The following ICA1 variants were observed in gnomAD, a reference collection of about 807,000 sequenced individuals.
ICA1 encodes the protein islet cell autoantigen 1.
In ICA1, 40 loss-of-function variants were observed where a neutral mutation model predicts 71.0. The ratio of observed to expected loss-of-function variants is 0.56; its 90% CI spans 0.44 to 0.73. The LOEUF (loss-of-function observed/expected upper bound fraction) is 0.73, where lower values mean the gene tolerates loss of function less well. ICA1 is among the 30% of genes least tolerant of loss of function. The probability of loss-of-function intolerance (pLI) is 0.00; values close to 1 mark genes in which losing one functional copy is unlikely to be tolerated. For synonymous variants in ICA1, 207 were observed against 209.5 expected, an observed-to-expected ratio of 0.99 and a Z score of 0.10; for missense variants, 578 against 576.5, an observed-to-expected ratio of 1.00 and a Z score of -0.03.
chr7:8,151,668 C>A (rs939814038), intron 8 of ICA1, among the ~76,000 whole-genome samples: 1 of 152,212 alleles, frequency 6.6e-6, no homozygotes, highest in Admixed American at 6.5e-5. Flanking sequence ...AAGCAAGTAA[C>A]TACAGAGCCA....
At chr7:8,152,179 AG>A (rs1799035185) in intron 8 of ICA1, among the ~76,000 whole-genome samples, 1 of 152,060 alleles carries the variant, frequency 6.6e-6, no homozygotes, top group Non-Finnish European at 1.5e-5. Context: ...AAAGCCAGGC[AG>A]GGGGTGGGTT....
intron 1 of ICA1, among the ~76,000 whole-genome samples, chr7:8,256,179 G>A (rs1327358871): frequency 6.6e-6 from 1 of 152,170 alleles, no homozygotes; most frequent in Non-Finnish European, 1.5e-5. Context: ...GGCCTTAAGA[G>A]GCAATGCTAT....
intron 6 of ICA1, among the ~76,000 whole-genome samples, chr7:8,161,024 C>T (rs1803576925): frequency 6.6e-6 from 1 of 152,330 alleles, no homozygotes; most frequent in East Asian, 1.9e-4. Context: ...AGCTGGGGTC[C>T]TGAAAGGCAT....
At chr7:8,261,986 A>C (rs1812669349) in intron 1 of ICA1, 108 bp downstream of exon 1, 1 of 152,098 alleles carries the variant, frequency 6.6e-6, no homozygotes, top group Admixed American at 6.5e-5. Flanking sequence ...GAGGGCAGAG[A>C]AGGCAGCTCC....
chr7:8,257,689 T>C (rs996173770), intron 1 of ICA1, among the ~76,000 whole-genome samples: 3 of 152,176 alleles, frequency 2.0e-5, no homozygotes, highest in Non-Finnish European at 4.4e-5. Flanking sequence ...TCTGCAATGT[T>C]CTCTGATTCT....
intron 13 of ICA1, among the ~76,000 whole-genome samples, chr7:8,120,627 T>C (rs1203486586): frequency 6.6e-6 from 1 of 152,030 alleles, no homozygotes; most frequent in African/African-American, 2.4e-5. Flanking sequence ...TGGTGACGAG[T>C]GAGCAACCAG....
At chr7:8,135,554 G>A (rs1479839307) in intron 12 of ICA1, among the ~76,000 whole-genome samples, 1 of 152,232 alleles carries the variant, frequency 6.6e-6, no homozygotes, top group Non-Finnish European at 1.5e-5. Flanking sequence ...TCCCTAGTCA[G>A]TAATATATGG....
intron 2 of ICA1, among the ~76,000 whole-genome samples, chr7:8,235,396 C>T (rs941727403): frequency 6.6e-6 from 1 of 152,088 alleles, no homozygotes; most frequent in African/African-American, 2.4e-5. Context: ...CTAACATTGC[C>T]AAATGGTTAC....
chr7:8,143,877 G>T lies in ICA1; in HGVS notation c.900C>A (p.Ser300Arg), dbSNP rs150396130. 7.7e-5 allele frequency: 123 copies of T among 1,595,854 alleles called. No homozygotes were observed. The highest frequency in any genetic ancestry group is 1.0e-4 in the Non-Finnish European group (122 of 1,163,896). ...GAGGGAAGGAACCTGTGACTTACTG[G>T]CTCGGCTCCTGCACGGCTGCATCTG... is the stretch of plus-strand genomic sequence containing the variant. ...ESTDAAVQEP[S>R]QLISLEEENQ... The change falls in exon 9 of 14, where the codon AGC becomes AGA. Residue 300 changes from serine (S) to arginine (R), a missense_variant and splice_region_variant. Coordinates refer to ENST00000402384, the MANE Select transcript of ICA1 (RefSeq NM_001136020.3).
At position 8,124,221 on chromosome 7, in the gene ICA1, C is replaced by T. The variant is rs567528383; in HGVS notation, c.1330+3652G>A. ...CTGCAAGCTCCGCCTCCCGGGTTCA[C>T]GCCATTCTCCTGCCTCAGCCTCCCA... On this transcript the variant is annotated intron_variant, in intron 13 of 13. Coordinates refer to ENST00000402384, the MANE Select transcript of ICA1 (RefSeq NM_001136020.3). Among the ~76,000 whole-genome samples, 8 of 149,956 alleles carry T rather than the reference C, an allele frequency of 5.3e-5. No individual in the cohort carries two copies. In the South Asian group the frequency reaches 1.1e-3, roughly 20 times the overall value.
intron 6 of ICA1, among the ~76,000 whole-genome samples, chr7:8,217,035 C>T (rs1239274302): frequency 6.6e-6 from 1 of 152,206 alleles, no homozygotes; most frequent in Non-Finnish European, 1.5e-5. Context: ...GTAGCCTGGG[C>T]TCACCAGCAT....
chr7:8,124,742 T>C (rs1362340060), intron 13 of ICA1, among the ~76,000 whole-genome samples: 1 of 152,114 alleles, frequency 6.6e-6, no homozygotes, highest in African/African-American at 2.4e-5. Flanking sequence ...TTGGCAGCTG[T>C]TTGCATGCAA....
intron 3 of ICA1, among the ~76,000 whole-genome samples, chr7:8,231,627 C>G (rs76052985): frequency 0.091 from 13,841 of 152,110 alleles, 1,288 homozygotes; most frequent in African/African-American, 0.24. Context: ...ATAGTAGGTA[C>G]AATAGTAGCC....
chr7:8,156,922 G>C, intron 8 of ICA1, 194 bp downstream of exon 8: 1 of 1,525,356 alleles, frequency 6.6e-7, no homozygotes, highest in Non-Finnish European at 8.8e-7. Flanking sequence ...ATTGAATCCT[G>C]ATGCAGTAAA....
At chr7:8,155,645 G>A (rs1172270186) in intron 8 of ICA1, among the ~76,000 whole-genome samples, 2 of 152,218 alleles carry the variant, frequency 1.3e-5, no homozygotes, top group Non-Finnish European at 2.9e-5. Context: ...TTGAAATGAT[G>A]TATAAAAGAA....
chr7:8,180,784 T>C (rs970462037), intron 6 of ICA1, among the ~76,000 whole-genome samples: 1 of 152,034 alleles, frequency 6.6e-6, no homozygotes, highest in African/African-American at 2.4e-5. Flanking sequence ...TTGTCAAGTA[T>C]CTGCTCAAAT....
At chr7:8,147,442 C>T (rs1797408037) in intron 8 of ICA1, among the ~76,000 whole-genome samples, 1 of 152,092 alleles carries the variant, frequency 6.6e-6, no homozygotes, top group Non-Finnish European at 1.5e-5. Context: ...AATTGCTCCT[C>T]TCTTCCTACT....
chr7:8,184,475 G>A (rs1783256636), intron 6 of ICA1, among the ~76,000 whole-genome samples: 1 of 152,178 alleles, frequency 6.6e-6, no homozygotes, highest in African/African-American at 2.4e-5. Context: ...GTTAAGAGGT[G>A]AAACAGTGCG....
At chr7:8,218,186 G>A (rs919795721) in intron 6 of ICA1, 119 bp downstream of exon 6, 7 of 801,708 alleles carry the variant, frequency 8.7e-6, no homozygotes, top group Admixed American at 6.3e-5. Context: ...AGACACCAGC[G>A]ATGATTAATT....
Sources: allele counts gnomAD v4.1 joint callset (sites outside exome capture counted in the v4.1 genomes callset), GRCh38; gene constraint gnomAD v4.1.1; transcripts MANE v1.5; gene names NCBI Gene and HGNC (gene_info 2026-07-23, HGNC 2026-07-21).